Variants in VIPR2 observed in about 807,000 individuals in gnomAD.
VIPR2 encodes vasoactive intestinal polypeptide receptor 2.
In VIPR2, 48 loss-of-function variants were observed where a neutral mutation model predicts 58.0. That is an observed-to-expected ratio of 0.83 (90% confidence interval 0.66 to 1.05). VIPR2 has a LOEUF of 1.05. VIPR2 is among the 50% of genes least tolerant of loss of function. VIPR2 has a pLI of 0.00. For missense variants in VIPR2, 534 were observed against 558.0 expected (o/e 0.96, Z 0.43); for synonymous variants, 243 against 235.2 (o/e 1.03, Z -0.30).
chr7:159,132,945 A>T (rs10232017), intron 2 of VIPR2, among the ~76,000 whole-genome samples: 3 of 65,958 alleles, frequency 4.5e-5, no homozygotes, highest in Non-Finnish European at 9.6e-5. Flanking sequence ...ATTGGCATAC[A>T]GATTGATTTC....
chr7:159,122,730 A>C (rs1031387788), intron 2 of VIPR2, among the ~76,000 whole-genome samples: 1 of 152,278 alleles, frequency 6.6e-6, no homozygotes, highest in Middle Eastern at 3.4e-3. Flanking sequence ...TTGTAGAAAA[A>C]CTAATTATCT....
intron 4 of VIPR2, among the ~76,000 whole-genome samples, chr7:159,063,017 C>CA (rs1397240483): frequency 6.6e-6 from 1 of 152,214 alleles, no homozygotes; most frequent in African/African-American, 2.4e-5. Context: ...GGTGTATTTA[C>CA]AATCTCTTAG....
At chr7:159,035,742 C>T (rs1853902376) in intron 8 of VIPR2, 1 of 985,466 alleles carries the variant, frequency 1.0e-6, no homozygotes, top group Admixed American at 6.1e-5. Context: ...ACCTGGCTCA[C>T]TTCCTGTCTC....
At chr7:159,107,330 G>A (rs73730164) in intron 3 of VIPR2, among the ~76,000 whole-genome samples, 1,702 of 152,288 alleles carry the variant, frequency 0.011, 36 homozygotes, top group African/African-American at 0.038. Flanking sequence ...CACAGCTGTC[G>A]GAGCTGCCTC....
rs994990693 is a variant in VIPR2, at chr7:159,031,613, C to T, written c.1143+215G>A. ...GGCAGTCGATGCTACTTAGGGTGGACGGAAGGACGGCGGGGTTTGGAAGCT... is the reference window on the plus strand; with the variant it reads ...GGCAGTCGATGCTACTTAGGGTGGATGGAAGGACGGCGGGGTTTGGAAGCT... On this transcript the variant is annotated intron_variant, in intron 12 of 12. Transcript: ENST00000262178. The surrounding 1 kb of genome is among the most constrained non-coding windows in gnomAD (Gnocchi z 4.0). 2 of 985,232 alleles carry T rather than the reference C, an allele frequency of 2.0e-6. No homozygotes were observed. Among genetic ancestry groups the T allele is most frequent in the East Asian group, 1.1e-4 (1 of 8,810 alleles). 61.0% of individuals were successfully genotyped at this position (985,232 alleles called of 1,614,324 possible). A position where few individuals can be genotyped will look rare whatever the true frequency, so the allele number is the denominator to read the frequency against.
intron 3 of VIPR2, among the ~76,000 whole-genome samples, chr7:159,106,794 G>T (rs1795752763): frequency 6.9e-6 from 1 of 145,312 alleles, no homozygotes; most frequent in Non-Finnish European, 1.5e-5. Context: ...AGAGAGAGAG[G>T]CCGGGGAGGT....
In VIPR2 at chr7:159,034,741, C is replaced by T. The variant is rs970576727; in HGVS notation, c.810-91G>A. 1.4e-4 allele frequency: 136 copies of T among 993,566 alleles called. 1 individual carries two copies. The highest frequency in any genetic ancestry group is 1.1e-3 in the Middle Eastern group (5 of 4,362). 61.5% of individuals were successfully genotyped at this position (993,566 alleles called of 1,614,324 possible). On this transcript the variant is annotated intron_variant, in intron 8 of 12. Coordinates refer to ENST00000262178, the MANE Select transcript of VIPR2 (RefSeq NM_003382.5). ...GAGCGCCTGCCCCTCCCAACTTGCCCACTCCCCTCACCGTGGAAGCACAAT... is the reference window on the plus strand; with the variant it reads ...GAGCGCCTGCCCCTCCCAACTTGCCTACTCCCCTCACCGTGGAAGCACAAT...
intron 4 of VIPR2, among the ~76,000 whole-genome samples, chr7:159,101,462 T>TG (rs1333420082): frequency 9.8e-6 from 1 of 102,386 alleles, no homozygotes; most frequent in Non-Finnish European, 1.8e-5. Flanking sequence ...TGGTAGTGAA[T>TG]GAGTCTCACG....
rs1796762660 is a variant in VIPR2 at position 159,128,995 on chromosome 7, C to A, written c.151+13451G>T. Among the ~76,000 whole-genome samples, 1 of 152,238 alleles carries A rather than the reference C, an allele frequency of 6.6e-6. No homozygotes were observed. The highest frequency in any genetic ancestry group is 6.5e-5 in the Admixed American group (1 of 15,294). On this transcript the variant is annotated intron_variant, in intron 2 of 12. Transcript: ENST00000262178. The surrounding 1 kb of genome is among the most constrained non-coding windows in gnomAD (Gnocchi z 4.1). ...TGCACCCCCTCCCTCCTGTGAGCTC[C>A]CACAGCACATTTTGGTGCCAGGAGA...
chr7:159,035,964 AAGT>A lies in VIPR2; in HGVS notation c.794_796del (p.Tyr265del). The A allele has an allele frequency of 6.2e-7, 1 of 1,613,702 alleles. No individual in the cohort carries two copies. Among genetic ancestry groups the A allele is most frequent in the Non-Finnish European group, 8.5e-7 (1 of 1,179,856 alleles). On this transcript the variant is annotated inframe_deletion, in exon 8 of 13. Transcript: ENST00000262178. ...GTCATGGACTCACCCGGTGTCTTCTAAGTAGAGCCTGGCCGCAGTCCATGCACC... is the reference window on the plus strand; with the variant it reads ...GTCATGGACTCACCCGGTGTCTTCTAAGAGCCTGGCCGCAGTCCATGCACC...
At chr7:159,140,630 T>C (rs1197755550) in intron 2 of VIPR2, among the ~76,000 whole-genome samples, 1 of 152,250 alleles carries the variant, frequency 6.6e-6, no homozygotes, top group East Asian at 1.9e-4. Flanking sequence ...GGTAGACACC[T>C]TGTCGCTGCA....
At chr7:159,125,567 C>A (rs1342173636) in intron 2 of VIPR2, among the ~76,000 whole-genome samples, 1 of 152,214 alleles carries the variant, frequency 6.6e-6, no homozygotes, top group African/African-American at 2.4e-5. Flanking sequence ...CCAGAAAATT[C>A]TCCGGTATGT....
chr7:159,133,707 C>G (rs1246493656), intron 2 of VIPR2, among the ~76,000 whole-genome samples: 12 of 152,158 alleles, frequency 7.9e-5, no homozygotes, highest in Non-Finnish European at 1.3e-4. Context: ...ATTACCCTAC[C>G]TTCTGATGTT....
intron 5 of VIPR2, among the ~76,000 whole-genome samples, chr7:159,044,671 T>C (rs1157931268): frequency 6.6e-6 from 1 of 150,450 alleles, no homozygotes; most frequent in Middle Eastern, 3.2e-3. Flanking sequence ...ATAGACAATA[T>C]TGATAAAAGA....
Position 159,095,972 on chromosome 7 carries a change from C to G in VIPR2, c.357+7785G>C, listed in dbSNP as rs1295614294. Among the ~76,000 whole-genome samples the G allele has an allele frequency of 6.6e-6, 1 of 152,152 alleles. No individual in the cohort carries two copies. The highest frequency in any genetic ancestry group is 1.5e-5 in the Non-Finnish European group (1 of 68,028). ...GCCAGTGTGGTGTGTGGTGTATGAT[C>G]TGGAGGCTCCCCGGGGGCTCCTGGC... is the stretch of plus-strand genomic sequence containing the variant. On this transcript the variant is annotated intron_variant, in intron 4 of 12. Transcript: ENST00000262178. This position sits in a 1 kb window ranked among gnomAD's most constrained non-coding sequence, Gnocchi z 5.2.
At position 159,128,036 on chromosome 7, in the gene VIPR2, C is replaced by G. The variant is rs1158714733; in HGVS notation, c.151+14410G>C. 4.6e-5 allele frequency among the ~76,000 whole-genome samples: 7 copies of G among 152,170 alleles called. No homozygotes were observed. The highest frequency in any genetic ancestry group is 1.9e-4 in the East Asian group (1 of 5,176). On this transcript the variant is annotated intron_variant, in intron 2 of 12. Transcript: ENST00000262178. The surrounding 1 kb of genome is among the most constrained non-coding windows in gnomAD (Gnocchi z 4.1). ...GCGCCAGGACAAACCACCGCTCCCC[C>G]CACCTTGCAGCAGGGCCTGACCGTG...
Position 159,093,722 on chromosome 7 carries a change from CGGA to C in VIPR2, c.357+10032_357+10034del, listed in dbSNP as rs1857638364. On this transcript the variant is annotated intron_variant, in intron 4 of 12. Coordinates refer to ENST00000262178, the MANE Select transcript of VIPR2 (RefSeq NM_003382.5). This position sits in a 1 kb window ranked among gnomAD's most constrained non-coding sequence, Gnocchi z 6.7. The stretch of plus-strand genomic sequence containing the variant: ...GGAGACCCCGCAGCGTCCCTGGGTC[CGGA>C]CATGGGAGACCCCGCAGCGTCCCTG... Among the ~76,000 whole-genome samples, 1 of 113,380 alleles carries C rather than the reference CGGA, an allele frequency of 8.8e-6. No homozygotes were observed. Among genetic ancestry groups the C allele is most frequent in the African/African-American group, 2.7e-5 (1 of 36,842 alleles). The allele number at this position is 113,380 out of a possible 152,430, so 74.4% of individuals were successfully genotyped here.
At chr7:159,054,312 A>G (rs1855174202) in intron 5 of VIPR2, among the ~76,000 whole-genome samples, 1 of 152,260 alleles carries the variant, frequency 6.6e-6, no homozygotes, top group Non-Finnish European at 1.5e-5. Context: ...GGACTCAAGA[A>G]ACAATGACAT....
chr7:159,042,255 A>G (rs532903547), intron 6 of VIPR2, among the ~76,000 whole-genome samples: 65 of 152,206 alleles, frequency 4.3e-4, no homozygotes, highest in Admixed American at 7.8e-4. Context: ...GAACCTTGGT[A>G]GCAAGGGTCT....
Sources: gnomAD v4.1 joint callset for allele counts (sites outside exome capture counted in the v4.1 genomes callset) on GRCh38, gnomAD v4.1.1 for gene constraint, Gnocchi (gnomAD v3.1) non-coding constraint, MANE v1.5 for transcripts, NCBI Gene and HGNC (gene_info 2026-07-23, HGNC 2026-07-21) for gene names.